The following KPRP variants were observed in gnomAD, a reference collection of about 807,000 sequenced individuals.
KPRP encodes keratinocyte proline rich protein, also known as keratinocyte proline-rich protein.
For missense variants in KPRP, 820 were observed against 746.4 expected, an observed-to-expected ratio of 1.10 and a Z score of -1.15; for synonymous variants, 282 against 276.9, an observed-to-expected ratio of 1.02 and a Z score of -0.18.
At chr1:152,760,220 G>C in exon 1 of KPRP, 1 of 1,614,076 alleles carries the variant, frequency 6.2e-7, no homozygotes, top group Non-Finnish European at 8.5e-7. Context: ...TTCCAGTTGA[G>C]GCCTTCCTAC....
upstream of KPRP, among the ~76,000 whole-genome samples, chr1:152,759,114 C>G (rs866814567): frequency 1.3e-5 from 2 of 152,192 alleles, no homozygotes; most frequent in Admixed American, 6.5e-5. Context: ...CTCATATGTA[C>G]GTTCTTACAT....
chr1:152,759,487 A>C, upstream of KPRP: 1 of 1,486,704 alleles, frequency 6.7e-7, no homozygotes. Flanking sequence ...GGGAAGATGC[A>C]GGGTGTCTTC....
exon 1 of KPRP, chr1:152,760,497 C>T: frequency 1.9e-6 from 3 of 1,613,570 alleles, no homozygotes; most frequent in Middle Eastern, 1.6e-4. Flanking sequence ...GCTCTGAACC[C>T]ATATATAACA....
chr1:152,758,576 G>T (rs1422993393), upstream of KPRP, among the ~76,000 whole-genome samples: 1 of 152,152 alleles, frequency 6.6e-6, no homozygotes, highest in Admixed American at 6.5e-5. Context: ...ACAAGCAGAC[G>T]AGTGAGGCTG....
At chr1:152,761,351 C>T (rs1249004306) in exon 1 of KPRP, 4 of 1,587,048 alleles carry the variant, frequency 2.5e-6, no homozygotes. Context: ...TGAGATAACC[C>T]TCTCTCCTGC....
At position 152,760,490 on chromosome 1, in the gene KPRP, C is replaced by A. The variant is rs368767593; in HGVS notation, c.902C>A (p.Ser301Tyr). 1.8e-5 allele frequency: 29 copies of A among 1,613,594 alleles called. 1 individual carries two copies. In the Admixed American group the frequency reaches 4.8e-4, roughly 27 times the overall value. The change falls in exon 1 of 1, where the codon TCT becomes TAT. Residue 301 changes from serine (S) to tyrosine (Y), a missense_variant. Ser to Tyr is a moderately radical substitution (Grantham distance 144, BLOSUM62 -2). Coordinates refer to ENST00000606109, the Ensembl canonical transcript of KPRP. Reference sequence around the variant, plus strand: ...AACTACTGCACCCCACCCCGCCGCTCTGAACCCATATATAACAGTCGCTGT... The same window carrying A: ...AACTACTGCACCCCACCCCGCCGCTATGAACCCATATATAACAGTCGCTGT...
At chr1:152,760,993 C>A (rs1055557593) in exon 1 of KPRP, 4 of 1,612,016 alleles carry the variant, frequency 2.5e-6, no homozygotes, top group East Asian at 2.2e-5. Context: ...GCCCTGTGAG[C>A]ACCCAGAGCC....
chr1:152,758,613 G>A (rs1651013809), upstream of KPRP, among the ~76,000 whole-genome samples: 2 of 152,304 alleles, frequency 1.3e-5, 1 homozygote, highest in Non-Finnish European at 2.9e-5. Flanking sequence ...GCTAAGCATG[G>A]TGTCAGGGTG....
exon 1 of KPRP, chr1:152,761,210 G>C: frequency 6.2e-7 from 1 of 1,614,240 alleles, no homozygotes; most frequent in Non-Finnish European, 8.5e-7. Flanking sequence ...GGGCAAGAGA[G>C]TGGTGCTGGC....
Position 152,761,358 on chromosome 1 carries a change from C to T in KPRP, c.*30C>T, listed in dbSNP as rs749356427. The stretch of plus-strand genomic sequence containing the variant: ...AAGGTGACTGAGATAACCCTCTCTC[C>T]TGCTCTGAAAATGTTGTTCCTCCTA... On this transcript the variant is annotated 3_prime_UTR_variant, in exon 1 of 1. Coordinates refer to ENST00000606109, the Ensembl canonical transcript of KPRP. The T allele has an allele frequency of 3.8e-6, 6 of 1,585,704 alleles. No homozygotes were observed. The South Asian group carries it at 7.0e-5, about 18-fold the overall frequency.
exon 1 of KPRP, chr1:152,760,569 C>T: frequency 2.5e-6 from 4 of 1,609,554 alleles, no homozygotes; most frequent in Non-Finnish European, 3.4e-6. Context: ...AGTGCCGAAT[C>T]GAGATTTCCT....
chr1:152,761,862 GC>G (rs1651146250), exon 1 of KPRP: 1 of 169,362 alleles, frequency 5.9e-6, no homozygotes, highest in African/African-American at 2.4e-5. Context: ...TTCCTTATCT[GC>G]CCAACTAGGT....
chr1:152,760,922 G>A (rs751127281), exon 1 of KPRP: 6 of 1,613,652 alleles, frequency 3.7e-6, no homozygotes, highest in East Asian at 2.2e-5. Context: ...CCAACACCGC[G>A]GCCAGTTCCC....
exon 1 of KPRP, chr1:152,761,290 G>T (rs2101564534): frequency 6.2e-7 from 1 of 1,614,118 alleles, no homozygotes; most frequent in South Asian, 1.1e-5. Context: ...CAATGCCTTT[G>T]CTGGAGTGAA....
upstream of KPRP, among the ~76,000 whole-genome samples, chr1:152,758,696 T>C (rs1270893943): frequency 6.6e-6 from 1 of 152,182 alleles, no homozygotes; most frequent in Non-Finnish European, 1.5e-5. Context: ...AGAATGTCCG[T>C]CTTCTGATTA....
At chr1:152,761,084 G>T (rs1651113850) in exon 1 of KPRP, 1 of 1,614,038 alleles carries the variant, frequency 6.2e-7, no homozygotes, top group Non-Finnish European at 8.5e-7. Context: ...CGCAGCCCCA[G>T]CCCATGCTGG....
exon 1 of KPRP, chr1:152,761,059 T>C (rs966074610): frequency 7.4e-6 from 12 of 1,613,950 alleles, no homozygotes; most frequent in Non-Finnish European, 1.0e-5. Context: ...CCCGGAGCCC[T>C]GCAGGGAGAC....
exon 1 of KPRP, chr1:152,759,754 G>A: frequency 1.2e-6 from 2 of 1,614,188 alleles, no homozygotes; most frequent in African/African-American, 2.7e-5. Flanking sequence ...CCCAGTTCAA[G>A]TTTGCCAGGT....
exon 1 of KPRP, chr1:152,760,623 T>C: frequency 1.2e-6 from 2 of 1,609,286 alleles, no homozygotes; most frequent in Non-Finnish European, 1.7e-6. Context: ...GGTGTCCTGT[T>C]GAGATTCCTC....
Sources: gnomAD v4.1 joint callset for allele counts (sites outside exome capture counted in the v4.1 genomes callset) on GRCh38, gnomAD v4.1.1 for gene constraint, MANE v1.5 for transcripts, NCBI Gene and HGNC (gene_info 2026-07-23, HGNC 2026-07-21) for gene names.